Variants in PLCL2 observed in about 807,000 individuals in gnomAD.
The protein encoded by PLCL2 is inactive phospholipase C-like protein 2.
PLCL2 carries 4 observed loss-of-function variants against 79.6 expected under a neutral mutation model. The ratio of observed to expected loss-of-function variants is 0.05; its 90% CI spans 0.02 to 0.11. The LOEUF (loss-of-function observed/expected upper bound fraction) is 0.11, where lower values mean the gene tolerates loss of function less well. PLCL2 is among the 10% of genes least tolerant of loss of function. The pLI is 1.00. For synonymous variants in PLCL2, 484 were observed against 457.7 expected (o/e 1.06, Z -0.73); for missense variants, 895 against 1,291.0 (o/e 0.69, Z 4.70).
chr3:17,082,024 C>G (rs992461557), intron 5 of PLCL2, among the ~76,000 whole-genome samples: 2 of 152,146 alleles, frequency 1.3e-5, no homozygotes, highest in Admixed American at 6.5e-5. Flanking sequence ...GTCTTCAAAA[C>G]CAGACACCCT....
Position 17,010,121 on chromosome 3 carries a change from A to G in PLCL2, c.775A>G (p.Met259Val), listed in dbSNP as rs777375060. ...TTCTTATGGAAAACATACACTTGAT[A>G]TGTTAGAAAGTAGCCAAGATAACAT... The part of the protein sequence containing the change: ...LISYGKHTLD[M>V]LESSQDNMRT... The change falls in exon 2 of 6, where the codon ATG (methionine) becomes GTG (valine). Residue 259 changes from methionine (M) to valine (V), a missense_variant. By Grantham distance (21) the Met-to-Val change is conservative. Around this residue, in one of 6 missense-constraint regions of PLCL2, gnomAD observed 129 missense variants for 208.8 expected, o/e 0.62. Transcript: ENST00000615277. The surrounding 1 kb of genome is among the most constrained non-coding windows in gnomAD (Gnocchi z 5.8). 4 of 1,614,172 alleles carry G rather than the reference A, an allele frequency of 2.5e-6. No individual in the cohort carries two copies. In the Admixed American group the frequency reaches 6.7e-5, roughly 27 times the overall value.
chr3:16,950,007 C>T (rs775770129), intron 1 of PLCL2, among the ~76,000 whole-genome samples: 6 of 152,256 alleles, frequency 3.9e-5, no homozygotes, highest in Middle Eastern at 3.4e-3. Flanking sequence ...TTAATCTGGT[C>T]ATCTATTCCT....
At chr3:16,969,809 G>C (rs1052162091) in intron 1 of PLCL2, among the ~76,000 whole-genome samples, 1 of 151,672 alleles carries the variant, frequency 6.6e-6, no homozygotes, top group South Asian at 2.1e-4. Context: ...TGTTTTTCTA[G>C]TTCCTCAAAG....
At chr3:16,890,205 CT>C (rs1051504395) in intron 1 of PLCL2, among the ~76,000 whole-genome samples, 2 of 152,200 alleles carry the variant, frequency 1.3e-5, no homozygotes, top group African/African-American at 2.4e-5. Flanking sequence ...TACTTGCTCC[CT>C]TTTGCTTTCC....
intron 5 of PLCL2, among the ~76,000 whole-genome samples, chr3:17,084,984 TA>T (rs1371421907): frequency 6.6e-6 from 1 of 151,912 alleles, no homozygotes; most frequent in Non-Finnish European, 1.5e-5. Context: ...AAGGAAGAAA[TA>T]AAACTGTCTC....
chr3:16,884,986 G>A lies in PLCL2; in HGVS notation c.-54G>A, dbSNP rs1458180171. The A allele has an allele frequency of 1.1e-5, 2 of 190,048 alleles. No individual in the cohort carries two copies. Among genetic ancestry groups the A allele is most frequent in the Non-Finnish European group, 2.1e-5 (2 of 94,816 alleles). 11.8% of individuals were successfully genotyped at this position (190,048 alleles called of 1,614,324 possible). ...GCGCGCGGCGGCCCGAGGCGGCGGC[G>A]GGGACGCGGGGACGCGAGGACGCGG... On this transcript the variant is annotated 5_prime_UTR_variant, in exon 1 of 6. Transcript: ENST00000615277. The surrounding 1 kb of genome is among the most constrained non-coding windows in gnomAD (Gnocchi z 9.3).
intron 1 of PLCL2, among the ~76,000 whole-genome samples, chr3:16,985,297 A>G (rs1261751557): frequency 6.6e-6 from 1 of 152,078 alleles, no homozygotes; most frequent in East Asian, 1.9e-4. Context: ...TATATCTTTC[A>G]TCTCCACTAC....
chr3:16,970,308 G>A (rs958423396), intron 1 of PLCL2, among the ~76,000 whole-genome samples: 42 of 151,542 alleles, frequency 2.8e-4, no homozygotes, highest in Non-Finnish European at 4.3e-4. Flanking sequence ...GAGAACATGC[G>A]GTGTTTGGTT....
chr3:16,938,055 T>C (rs1213915661), intron 1 of PLCL2, among the ~76,000 whole-genome samples: 1 of 152,226 alleles, frequency 6.6e-6, no homozygotes, highest in Non-Finnish European at 1.5e-5. Context: ...ACTACCTGTA[T>C]AATGCAATCG....
intron 4 of PLCL2, among the ~76,000 whole-genome samples, chr3:17,046,359 G>A (rs1332081305): frequency 2.0e-5 from 3 of 152,126 alleles, no homozygotes; most frequent in Non-Finnish European, 4.4e-5. Flanking sequence ...TAATATCTAT[G>A]TTTTTGTCTC....
At chr3:16,960,200 A>C (rs1452727908) in intron 1 of PLCL2, among the ~76,000 whole-genome samples, 1 of 152,202 alleles carries the variant, frequency 6.6e-6, no homozygotes, top group Non-Finnish European at 1.5e-5. Flanking sequence ...AAAGAGGACA[A>C]CCTTTATTAG....
intron 1 of PLCL2, among the ~76,000 whole-genome samples, chr3:16,974,320 C>G (rs1575563818): frequency 6.6e-6 from 1 of 152,098 alleles, no homozygotes; most frequent in African/African-American, 2.4e-5. Context: ...GTGACAGTAG[C>G]AAGCTAGGAG....
chr3:17,085,013 A>G (rs2065202071), intron 5 of PLCL2, among the ~76,000 whole-genome samples: 1 of 152,228 alleles, frequency 6.6e-6, no homozygotes, highest in Non-Finnish European at 1.5e-5. Flanking sequence ...AGATGATATA[A>G]TCATCTATGT....
chr3:16,946,953 C>CTTTTTTCTTTTTT (rs2063606232), intron 1 of PLCL2, among the ~76,000 whole-genome samples: 1 of 95,444 alleles, frequency 1.0e-5, no homozygotes, highest in Non-Finnish European at 1.9e-5. Flanking sequence ...AAGTTTCATT[C>CTTTTTTCTTTTTT]TTTTTTTTTT....
chr3:17,049,743 A>G (rs1227514786), intron 4 of PLCL2, among the ~76,000 whole-genome samples: 1 of 152,182 alleles, frequency 6.6e-6, no homozygotes, highest in Non-Finnish European at 1.5e-5. Flanking sequence ...TATTGTTAAA[A>G]TGTCCATACT....
intron 1 of PLCL2, among the ~76,000 whole-genome samples, chr3:16,893,678 A>C (rs182679920): frequency 6.6e-6 from 1 of 152,314 alleles, no homozygotes; most frequent in African/African-American, 2.4e-5. Flanking sequence ...GAATTGGAAA[A>C]ATTTGTTATG....
chr3:16,926,633 A>C (rs1356109130), intron 1 of PLCL2, among the ~76,000 whole-genome samples: 2 of 152,020 alleles, frequency 1.3e-5, no homozygotes, highest in Non-Finnish European at 2.9e-5. Flanking sequence ...TTTATAATCA[A>C]AACCTTTTTT....
At chr3:16,985,161 G>A (rs2064036403) in intron 1 of PLCL2, among the ~76,000 whole-genome samples, 1 of 151,956 alleles carries the variant, frequency 6.6e-6, no homozygotes, top group African/African-American at 2.4e-5. Flanking sequence ...TTATTTTAGG[G>A]CTCAAGAGGC....
chr3:17,071,143 A>T (rs544139243), intron 5 of PLCL2, among the ~76,000 whole-genome samples: 1 of 152,138 alleles, frequency 6.6e-6, no homozygotes, highest in East Asian at 1.9e-4. Context: ...CATTTGAACC[A>T]TAAGGAGGTA....
Sources: gnomAD v4.1 joint callset for allele counts (sites outside exome capture counted in the v4.1 genomes callset) on GRCh38, gnomAD v4.1.1 for gene constraint, gnomAD v4.1.1 regional missense constraint, Gnocchi (gnomAD v3.1) non-coding constraint, MANE v1.5 for transcripts, NCBI Gene and HGNC (gene_info 2026-07-23, HGNC 2026-07-21) for gene names.